Variants in CEP63 observed in about 807,000 individuals in gnomAD.
The protein encoded by CEP63 is centrosomal protein 63.
Under a neutral mutation model 89.1 loss-of-function variants are expected in CEP63, and 84 were observed. The ratio of observed to expected loss-of-function variants is 0.94; its 90% CI spans 0.79 to 1.13. The LOEUF is 1.13. Among genes scored for constraint, CEP63 ranks in the 50% most tolerant of loss-of-function variants. The probability of loss-of-function intolerance (pLI) is 0.00; values close to 1 mark genes in which losing one functional copy is unlikely to be tolerated. For missense variants in CEP63, 838 were observed against 813.3 expected (o/e 1.03, Z -0.37); for synonymous variants, 267 against 272.5 (o/e 0.98, Z 0.20).
the CEP63 span, among the ~76,000 whole-genome samples, chr3:134,681,597 G>T: frequency 6.6e-6 from 1 of 152,230 alleles, no homozygotes; most frequent in Non-Finnish European, 1.5e-5. Context: ...AGGAGATGGA[G>T]GAGCCTGGCA....
the CEP63 span, among the ~76,000 whole-genome samples, chr3:134,768,832 A>T: frequency 6.6e-6 from 1 of 152,204 alleles, no homozygotes; most frequent in Admixed American, 6.5e-5. Context: ...GACTATCCAG[A>T]CTTGGCCGGG....
At chr3:134,719,874 C>T in the CEP63 span, among the ~76,000 whole-genome samples, 3 of 152,122 alleles carry the variant, frequency 2.0e-5, no homozygotes, top group African/African-American at 2.4e-5. Context: ...AACTCATCAA[C>T]GAATGAACAT....
intron 10 of CEP63, among the ~76,000 whole-genome samples, chr3:134,586,831 T>G (rs1577524311): frequency 6.6e-6 from 1 of 152,346 alleles, no homozygotes; most frequent in Middle Eastern, 3.4e-3. Flanking sequence ...GGTACACCAA[T>G]CAAACATAGA....
chr3:134,741,392 G>A, the CEP63 span, among the ~76,000 whole-genome samples: 1 of 152,082 alleles, frequency 6.6e-6, no homozygotes, highest in Non-Finnish European at 1.5e-5. Context: ...AGTTGTTAGG[G>A]GTAGAGAGTG....
chr3:134,661,807 G>GCC, the CEP63 span, among the ~76,000 whole-genome samples: 2,219 of 149,186 alleles, frequency 0.015, 82 homozygotes, highest in Admixed American at 0.081. Context: ...GAATATTTGT[G>GCC]CCCCCCCCCT....
intron 6 of CEP63, among the ~76,000 whole-genome samples, chr3:134,541,128 G>A (rs1016053345): frequency 3.9e-5 from 6 of 152,082 alleles, no homozygotes; most frequent in African/African-American, 1.4e-4. Flanking sequence ...ATACACTTAA[G>A]TATGAAATAT....
At chr3:134,497,058 T>A (rs887831753) in intron 2 of CEP63, among the ~76,000 whole-genome samples, 1 of 152,204 alleles carries the variant, frequency 6.6e-6, no homozygotes, top group South Asian at 2.1e-4. Flanking sequence ...CTTTTGGCCA[T>A]TTGTATGTCT....
chr3:134,654,666 C>T, the CEP63 span, among the ~76,000 whole-genome samples: 1 of 152,208 alleles, frequency 6.6e-6, no homozygotes, highest in African/African-American at 2.4e-5. Context: ...TGCTTCTGAG[C>T]CTTTGCTATT....
chr3:134,655,916 A>T, the CEP63 span, among the ~76,000 whole-genome samples: 2 of 152,154 alleles, frequency 1.3e-5, no homozygotes, highest in Non-Finnish European at 2.9e-5. Flanking sequence ...TGGCAGTAGT[A>T]AAAAGTTGGT....
chr3:134,750,874 C>T, the CEP63 span, among the ~76,000 whole-genome samples: 3 of 152,218 alleles, frequency 2.0e-5, no homozygotes, highest in African/African-American at 7.2e-5. Context: ...CAACATAACA[C>T]TGTTTAAAAG....
At chr3:134,529,871 T>TC (rs1311201864) in intron 3 of CEP63, among the ~76,000 whole-genome samples, 29 of 145,812 alleles carry the variant, frequency 2.0e-4, no homozygotes, top group African/African-American at 7.3e-4. Flanking sequence ...TTAAGAAATT[T>TC]TTTTTTTTTT....
chr3:134,605,597 G>A, the CEP63 span, among the ~76,000 whole-genome samples: 2 of 152,112 alleles, frequency 1.3e-5, no homozygotes, highest in Non-Finnish European at 2.9e-5. Context: ...CTTCGTGGCT[G>A]TCCCAGCTCA....
At chr3:134,774,825 C>T in the CEP63 span, among the ~76,000 whole-genome samples, 1 of 152,206 alleles carries the variant, frequency 6.6e-6, no homozygotes, top group Admixed American at 6.5e-5. Context: ...ATTACCTCCC[C>T]TCTTCAGTCT....
At chr3:134,644,289 C>G in the CEP63 span, among the ~76,000 whole-genome samples, 1 of 152,222 alleles carries the variant, frequency 6.6e-6, no homozygotes, top group Admixed American at 6.5e-5. Context: ...CCCTGGGACA[C>G]AGAGTTGTCC....
the CEP63 span, chr3:134,643,393 CAG>C: frequency 6.2e-7 from 1 of 1,612,308 alleles, no homozygotes; most frequent in Admixed American, 1.7e-5. Context: ...TTAAGGAAGA[CAG>C]AGAGGCCTGC....
At chr3:134,714,725 G>T in the CEP63 span, among the ~76,000 whole-genome samples, 1 of 152,202 alleles carries the variant, frequency 6.6e-6, no homozygotes, top group Admixed American at 6.5e-5. Flanking sequence ...GTATACAGGT[G>T]GTTGTAACCA....
At chr3:134,638,297 A>C in the CEP63 span, among the ~76,000 whole-genome samples, 44 of 152,318 alleles carry the variant, frequency 2.9e-4, 1 homozygote, top group African/African-American at 1.0e-3. Context: ...TAAAACTCTT[A>C]ATTTAAGAAA....
At chr3:134,597,958 T>A in the CEP63 span, 18 of 152,194 alleles carry the variant, frequency 1.2e-4, no homozygotes, top group African/African-American at 4.3e-4. Context: ...AGAGTCTGGC[T>A]TCAAGATGGA....
the CEP63 span, among the ~76,000 whole-genome samples, chr3:134,627,572 T>TTC: frequency 6.6e-6 from 1 of 152,240 alleles, no homozygotes; most frequent in Non-Finnish European, 1.5e-5. Context: ...AGCTTTTTCC[T>TTC]TCTCCACCTG....
Sources: allele counts gnomAD v4.1 joint callset (sites outside exome capture counted in the v4.1 genomes callset), GRCh38; gene constraint gnomAD v4.1.1; transcripts MANE v1.5; gene names NCBI Gene and HGNC (gene_info 2026-07-23, HGNC 2026-07-21).